NUP42: variants seen among roughly 807,000 people sequenced by gnomAD.
NUP42 encodes the protein nucleoporin NUP42.
Under a neutral mutation model 35.9 loss-of-function variants are expected in NUP42, and 47 were observed. The observed-to-expected ratio is 1.31, with a 90% CI of 1.04 to 1.67. NUP42 has a LOEUF of 1.67. Ranked by LOEUF, NUP42 falls within the 40% of genes most tolerant of loss-of-function variation. The pLI is 0.00. For synonymous variants in NUP42, 173 were observed against 173.3 expected, an observed-to-expected ratio of 1.00 and a Z score of 0.01; for missense variants, 514 against 492.2, an observed-to-expected ratio of 1.04 and a Z score of -0.42.
rs770824203 is a variant in NUP42, at chr7:23,188,000, A to ATTT, written c.445+858_445+860dup. ...TAGAATATTCTCTCTCTCTTTTTTTATTTTTTATTTTTATTTTTTTTTTTG... is the reference window on the plus strand; with the variant it reads ...TAGAATATTCTCTCTCTCTTTTTTTATTTTTTTTTATTTTTATTTTTTTTTTTG... On this transcript the variant is annotated intron_variant, in intron 3 of 6. Transcript: ENST00000258742. The ATTT allele has an allele frequency of 1.7e-4, 168 of 974,608 alleles. 1 individual carries two copies. The African/African-American group carries it at 2.6e-3, about 15-fold the overall frequency. 60.4% of individuals were successfully genotyped at this position (974,608 alleles called of 1,614,324 possible). A position where few individuals can be genotyped will look rare whatever the true frequency, so the allele number is the denominator to read the frequency against.
chr7:23,186,820 G>T (rs879761213), intron 2 of NUP42, among the ~76,000 whole-genome samples: 2 of 152,106 alleles, frequency 1.3e-5, no homozygotes, highest in Admixed American at 6.6e-5. Flanking sequence ...TAATGGGTCA[G>T]TGTATTGGAA....
intron 4 of NUP42, 100 bp from the exon 5 acceptor site, chr7:23,196,579 AC>A (rs1786018258): frequency 1.2e-6 from 1 of 850,892 alleles, no homozygotes; most frequent in South Asian, 1.6e-5. Flanking sequence ...TGTTACATAA[AC>A]CTTTTGTGAT....
At chr7:23,199,882 A>G (rs1786149737) in intron 6 of NUP42, among the ~76,000 whole-genome samples, 1 of 152,206 alleles carries the variant, frequency 6.6e-6, no homozygotes, top group Non-Finnish European at 1.5e-5. Context: ...TGGTGAGGTA[A>G]GTAGAAACCA....
At chr7:23,194,732 A>T (rs1443106112) in intron 3 of NUP42, 1 of 183,186 alleles carries the variant, frequency 5.5e-6, no homozygotes, top group African/African-American at 2.4e-5. Flanking sequence ...TTTGTTGCCC[A>T]GGCTGGAGTG....
rs750125977 is a variant in NUP42 at position 23,182,154 on chromosome 7, C to G, written c.69C>G (p.Pro23=). 3.7e-6 allele frequency: 6 copies of G among 1,614,090 alleles called. No individual in the cohort carries two copies. Among genetic ancestry groups the G allele is most frequent in the Non-Finnish European group, 5.1e-6 (6 of 1,179,984 alleles). The change falls in exon 1 of 7, where the codon CCC becomes CCG. Residue 23 remains proline (P), a synonymous_variant. Coordinates refer to ENST00000258742, the MANE Select transcript of NUP42 (RefSeq NM_007342.3). ...GAGATCGGTGCTGGAACGAACATCC[C>G]GGTGCTAGGGGTGCAGGAGGAGGAC... ...RFGDRCWNEH[P]GARGAGGGRQ...
rs145610736 is a variant in NUP42, at chr7:23,197,510, C to G, written c.609+744C>G. ...CTTTCATCTTTTAGTTCTTGTAATGCTATTTGAATTTAGTGGGACCTCTTG... is the reference window on the plus strand; with the variant it reads ...CTTTCATCTTTTAGTTCTTGTAATGGTATTTGAATTTAGTGGGACCTCTTG... On this transcript the variant is annotated intron_variant, in intron 5 of 6. Coordinates refer to ENST00000258742, the MANE Select transcript of NUP42 (RefSeq NM_007342.3). 3.7e-3 allele frequency among the ~76,000 whole-genome samples: 568 copies of G among 152,240 alleles called. 3 individuals are homozygous for G. The highest frequency in any genetic ancestry group is 7.1e-3 in the African/African-American group (297 of 41,546).
At position 23,196,227 on chromosome 7, in the gene NUP42, A is replaced by G. The variant is rs1008902872; in HGVS notation, c.522+312A>G. The G allele has an allele frequency of 5.0e-5, 10 of 198,356 alleles. 1 individual carries two copies. Among genetic ancestry groups the G allele is most frequent in the East Asian group, 1.3e-4 (1 of 7,734 alleles). 12.3% of individuals were successfully genotyped at this position (198,356 alleles called of 1,614,324 possible). Reference sequence around the variant, plus strand: ...CTGTTAGGTACCAATCCAGTGATGAATGCTAGAAAAACAAAGTTAAATAAG... The same window carrying G: ...CTGTTAGGTACCAATCCAGTGATGAGTGCTAGAAAAACAAAGTTAAATAAG... On this transcript the variant is annotated intron_variant, in intron 4 of 6. Transcript: ENST00000258742.
At chr7:23,198,777 C>CTATAGG (rs1286299113) in intron 5 of NUP42, among the ~76,000 whole-genome samples, 7 of 152,174 alleles carry the variant, frequency 4.6e-5, no homozygotes, top group African/African-American at 1.7e-4. Context: ...ACTGGGTATT[C>CTATAGG]TATAAAGGTC....
intron 3 of NUP42, among the ~76,000 whole-genome samples, chr7:23,192,360 G>A (rs1785821918): frequency 6.6e-6 from 1 of 151,896 alleles, no homozygotes; most frequent in Admixed American, 6.6e-5. Flanking sequence ...CCTGGCCAAT[G>A]TGGTGAAACC....
At chr7:23,182,812 G>T (rs1374772829) in intron 1 of NUP42, among the ~76,000 whole-genome samples, 1 of 150,144 alleles carries the variant, frequency 6.7e-6, no homozygotes. Context: ...TACTCATGAG[G>T]CTGAGACAGG....
intron 2 of NUP42, among the ~76,000 whole-genome samples, chr7:23,186,527 A>T (rs1414624784): frequency 3.9e-5 from 6 of 152,214 alleles, no homozygotes; most frequent in African/African-American, 1.4e-4. Context: ...GCAAAATGTG[A>T]GAATTAGATA....
chr7:23,199,930 T>A (rs1051254938), intron 6 of NUP42, among the ~76,000 whole-genome samples: 1 of 152,160 alleles, frequency 6.6e-6, no homozygotes, highest in African/African-American at 2.4e-5. Context: ...TGGTTTCTCC[T>A]TGGGTGAAGG....
chr7:23,198,936 C>T (rs748957716), intron 5 of NUP42, among the ~76,000 whole-genome samples: 1 of 152,090 alleles, frequency 6.6e-6, no homozygotes, highest in Non-Finnish European at 1.5e-5. Flanking sequence ...TTTAAATCAC[C>T]TGTAATTTAT....
chr7:23,195,774 C>G, intron 3 of NUP42, 65 bp from the exon 4 acceptor site: 1 of 1,049,816 alleles, frequency 9.5e-7, no homozygotes, highest in Non-Finnish European at 1.4e-6. Flanking sequence ...TGTTTAGCAC[C>G]TCTAGCTTTA....
chr7:23,189,845 G>A (rs1030497953), intron 3 of NUP42, among the ~76,000 whole-genome samples: 30 of 149,622 alleles, frequency 2.0e-4, no homozygotes, highest in South Asian at 6.4e-4. Flanking sequence ...CCTGGGAGGC[G>A]GAGCTTGCAG....
intron 3 of NUP42, chr7:23,188,583 T>C: frequency 1.0e-6 from 1 of 968,256 alleles, no homozygotes; most frequent in Non-Finnish European, 1.2e-6. Flanking sequence ...TCCGGTTAAA[T>C]TTAAATTTCA....
At chr7:23,192,744 A>C (rs1310099378) in intron 3 of NUP42, among the ~76,000 whole-genome samples, 1 of 151,398 alleles carries the variant, frequency 6.6e-6, no homozygotes, top group Non-Finnish European at 1.5e-5. Flanking sequence ...TGGCCCCTGT[A>C]CAAGTGGACC....
At chr7:23,192,568 AAG>A (rs1371161167) in intron 3 of NUP42, among the ~76,000 whole-genome samples, 3 of 151,602 alleles carry the variant, frequency 2.0e-5, no homozygotes, top group Admixed American at 6.6e-5. Flanking sequence ...AAAAAAGAAA[AAG>A]AAAATCATAA....
chr7:23,200,263 G>A lies in NUP42; in HGVS notation c.790G>A (p.Gly264Ser), dbSNP rs375404356. ...TGCTGCCTCTTCTGGAAGCCCTGCT[G>A]GTTTTGGGAGTTCCCCAGCATTTGG... Reference protein sequence around the residue: ...FAAASSGSPAGFGSSPAFGAA... With the variant: ...FAAASSGSPASFGSSPAFGAA... Residue 264 changes from glycine to serine, a missense_variant, in exon 7 of 7, where the codon GGT (glycine) becomes AGT (serine). Physicochemically the swap from Gly to Ser is moderately conservative, Grantham distance 56 (BLOSUM62 0). Coordinates refer to ENST00000258742, the MANE Select transcript of NUP42 (RefSeq NM_007342.3). 112 of 1,603,488 alleles carry A rather than the reference G, an allele frequency of 7.0e-5. 1 individual carries two copies. The South Asian group carries it at 9.4e-4, about 13-fold the overall frequency.
Sources: gnomAD v4.1 joint callset for allele counts (sites outside exome capture counted in the v4.1 genomes callset) on GRCh38, gnomAD v4.1.1 for gene constraint, MANE v1.5 for transcripts, NCBI Gene and HGNC (gene_info 2026-07-23, HGNC 2026-07-21) for gene names.